The following SCLT1 variants were observed in gnomAD, a reference collection of about 807,000 sequenced individuals.
SCLT1 encodes sodium channel-associated protein 1.
SCLT1 carries 78 observed loss-of-function variants against 112.8 expected under a neutral mutation model. That is an observed-to-expected ratio of 0.69 (90% CI 0.58 to 0.83). The LOEUF is 0.83. SCLT1 is among the 40% of genes least tolerant of loss of function. The pLI is 0.00. For synonymous variants in SCLT1, 257 were observed against 254.7 expected (o/e 1.01, Z -0.09); for missense variants, 747 against 770.4 (o/e 0.97, Z 0.36).
chr4:128,969,802 A>G (rs980921486), intron 10 of SCLT1, among the ~76,000 whole-genome samples: 4 of 152,246 alleles, frequency 2.6e-5, no homozygotes, highest in Middle Eastern at 3.4e-3. Flanking sequence ...TAAAATTGTT[A>G]CCTATGGGAG....
At chr4:129,026,508 C>A (rs1445818225) in intron 5 of SCLT1, among the ~76,000 whole-genome samples, 5 of 151,932 alleles carry the variant, frequency 3.3e-5, no homozygotes, top group Non-Finnish European at 7.4e-5. Context: ...CCAACGAGAA[C>A]AAAGACACAA....
chr4:128,903,818 C>T (rs1456804850), intron 18 of SCLT1, among the ~76,000 whole-genome samples: 2 of 152,120 alleles, frequency 1.3e-5, no homozygotes, highest in East Asian at 3.9e-4. Flanking sequence ...AGGAAAGACC[C>T]GGGAGGATGA....
rs148917585 is a variant in SCLT1, at chr4:129,092,300, AC to A, written c.34+769del. On this transcript the variant is annotated intron_variant, in intron 1 of 20. Transcript: ENST00000281142. ...CAATTTACATCAATATTACACTCAA[AC>A]CAGCCGTATTGCAAGTCTTTAACAA... is the stretch of plus-strand genomic sequence containing the variant. Among the ~76,000 whole-genome samples, 631 of 152,054 alleles carry A rather than the reference AC, an allele frequency of 4.1e-3. 6 individuals carry two copies. The highest frequency in any genetic ancestry group is 6.8e-3 in the Non-Finnish European group (459 of 67,904).
chr4:128,898,241 C>T lies in SCLT1; in HGVS notation c.1830-7104G>A, dbSNP rs1183738621. Among the ~76,000 whole-genome samples, 3 of 152,216 alleles carry T rather than the reference C, an allele frequency of 2.0e-5. No homozygotes were observed. The East Asian group carries it at 5.8e-4, about 29-fold the overall frequency. On this transcript the variant is annotated intron_variant, in intron 18 of 20. Coordinates refer to ENST00000281142, the MANE Select transcript of SCLT1 (RefSeq NM_144643.4). Reference sequence around the variant, plus strand: ...ATACATTCTTCTCAGCACCACACTGCACTTATTCCAAAATTGACCACATAG... The same window carrying T: ...ATACATTCTTCTCAGCACCACACTGTACTTATTCCAAAATTGACCACATAG...
chr4:129,012,369 G>C (rs1405460994), intron 5 of SCLT1, among the ~76,000 whole-genome samples: 1 of 151,988 alleles, frequency 6.6e-6, no homozygotes, highest in Admixed American at 6.6e-5. Flanking sequence ...CTTCTAATTT[G>C]TGCTGTGGTT....
chr4:128,983,180 G>A (rs558689220), intron 9 of SCLT1, among the ~76,000 whole-genome samples: 170 of 152,274 alleles, frequency 1.1e-3, no homozygotes, highest in Non-Finnish European at 1.9e-3. Context: ...GAGCCACTGC[G>A]CCCGGCCACT....
At chr4:129,019,479 G>A (rs752443703) in intron 5 of SCLT1, among the ~76,000 whole-genome samples, 2 of 152,060 alleles carry the variant, frequency 1.3e-5, no homozygotes, top group Non-Finnish European at 2.9e-5. Context: ...GGGAAAAGGG[G>A]GATAGTTAGT....
At chr4:128,983,163 C>T (rs1741812218) in intron 9 of SCLT1, among the ~76,000 whole-genome samples, 1 of 152,240 alleles carries the variant, frequency 6.6e-6, no homozygotes, top group African/African-American at 2.4e-5. Context: ...GCTAGGATTA[C>T]AGGCGTGAGC....
Position 128,891,143 on chromosome 4 carries a change from A to G in SCLT1, c.1830-6T>C. ...TCTGTCGACTCAGCTCACTCCTATT[A>G]AGAGCACCAAAAAATCCATTAATAT... On this transcript the variant is annotated splice_region_variant and splice_polypyrimidine_tract_variant and intron_variant, in intron 18 of 20. Transcript: ENST00000281142. 1 of 1,601,936 alleles carries G rather than the reference A, an allele frequency of 6.2e-7. No homozygotes were observed. The highest frequency in any genetic ancestry group is 2.2e-5 in the East Asian group (1 of 44,750).
intron 2 of SCLT1, among the ~76,000 whole-genome samples, chr4:129,053,557 ATTTTTTTTTT>A (rs528905688): frequency 1.1e-3 from 48 of 45,236 alleles, no homozygotes; most frequent in African/African-American, 2.9e-3. Flanking sequence ...GCAATCCCTG[ATTTTTTTTTT>A]TTTTTTTTTT....
intron 2 of SCLT1, among the ~76,000 whole-genome samples, chr4:129,068,289 A>C (rs915997658): frequency 6.6e-6 from 1 of 152,136 alleles, no homozygotes; most frequent in Non-Finnish European, 1.5e-5. Flanking sequence ...TCTTTAAGGA[A>C]TCTCCACACT....
chr4:129,087,649 G>A (rs1324009354), intron 1 of SCLT1, among the ~76,000 whole-genome samples: 3 of 150,774 alleles, frequency 2.0e-5, no homozygotes, highest in African/African-American at 7.3e-5. Context: ...AGCTACTCAA[G>A]AGGGTGAGGC....
chr4:128,970,413 C>T lies in SCLT1; in HGVS notation c.742G>A (p.Val248Met). The T allele has an allele frequency of 6.2e-7, 1 of 1,608,556 alleles. No individual in the cohort carries two copies. ...ATCTGTCCCTGCAGATCTTCAGTCA[C>T]ATTAGTTAACTCTTCCACTTTTGCT... is the stretch of plus-strand genomic sequence containing the variant. ...AVAKVEELTN[V>M]TEDLQGQMKK... is the part of the protein sequence containing the mutation. The change falls in exon 10 of 21, where the codon GTG (valine) becomes ATG (methionine). Residue 248 changes from valine (V) to methionine (M), a missense_variant. This residue lies in a region of SCLT1 where 723 missense variants were observed against 721.3 expected (regional missense o/e 1.00). Coordinates refer to ENST00000281142, the MANE Select transcript of SCLT1 (RefSeq NM_144643.4).
At chr4:128,979,490 C>G (rs1229113802) in intron 9 of SCLT1, among the ~76,000 whole-genome samples, 1 of 152,082 alleles carries the variant, frequency 6.6e-6, no homozygotes, top group East Asian at 1.9e-4. Flanking sequence ...TCACCAAATC[C>G]CAAATCTGCC....
intron 18 of SCLT1, among the ~76,000 whole-genome samples, chr4:128,928,219 C>T (rs1164081747): frequency 1.3e-5 from 2 of 152,120 alleles, no homozygotes; most frequent in African/African-American, 2.4e-5. Flanking sequence ...ACTTCCAATA[C>T]TCCGTAAAAT....
At chr4:128,956,923 A>C in intron 13 of SCLT1, 103 bp downstream of exon 13, 1 of 641,530 alleles carries the variant, frequency 1.6e-6, no homozygotes, top group Non-Finnish European at 2.7e-6. Context: ...CTTTATAACT[A>C]TGTAGGCAAG....
chr4:128,973,408 G>A (rs1041385251), intron 9 of SCLT1, among the ~76,000 whole-genome samples: 2 of 150,398 alleles, frequency 1.3e-5, no homozygotes, highest in Non-Finnish European at 3.0e-5. Context: ...ATGAATGAGA[G>A]GGCAAAAGGA....
chr4:128,883,154 CAACAAAAAAA>C (rs1488728700), downstream of SCLT1, among the ~76,000 whole-genome samples: 1 of 37,478 alleles, frequency 2.7e-5, no homozygotes, highest in Non-Finnish European at 6.4e-5. Context: ...ACAACAACAA[CAACAAAAAAA>C]AAAAAAAAAA....
intron 2 of SCLT1, 103 bp downstream of exon 2, chr4:129,082,203 C>T (rs746300453): frequency 1.4e-5 from 7 of 484,714 alleles, no homozygotes; most frequent in Non-Finnish European, 2.6e-5. Context: ...TAAGCAAAAA[C>T]AAGCTTTCCC....
Sources: gnomAD v4.1 joint callset for allele counts (sites outside exome capture counted in the v4.1 genomes callset) on GRCh38, gnomAD v4.1.1 for gene constraint, gnomAD v4.1.1 regional missense constraint, MANE v1.5 for transcripts, NCBI Gene and HGNC (gene_info 2026-07-23, HGNC 2026-07-21) for gene names.